Variants in DYNLT2B observed in about 807,000 individuals in gnomAD.
DYNLT2B encodes the protein dynein light chain Tctex-type protein 2B.
Under a neutral mutation model 19.5 loss-of-function variants are expected in DYNLT2B, and 14 were observed. The observed-to-expected ratio is 0.72, with a 90% CI of 0.47 to 1.12. The LOEUF (loss-of-function observed/expected upper bound fraction) is 1.12. Among genes scored for constraint, DYNLT2B ranks in the 50% most tolerant of loss-of-function variants. The pLI is 0.00. For synonymous variants in DYNLT2B, 70 were observed against 59.7 expected, an observed-to-expected ratio of 1.17 and a Z score of -0.79; for missense variants, 133 against 174.7, an observed-to-expected ratio of 0.76 and a Z score of 1.35.
rs753845148 is a variant in DYNLT2B, at chr3:196,296,092, A to T, written c.318-23T>A. The stretch of plus-strand genomic sequence containing the variant: ...ATGCTAAAAAATCCAAGAATGAAGA[A>T]TTATCAACAATCTAACAAGGACCTA... On this transcript the variant is annotated intron_variant, in intron 3 of 4. Transcript: ENST00000325318. The T allele has an allele frequency of 1.9e-5, 30 of 1,606,424 alleles. No homozygotes were observed. In the African/African-American group the frequency reaches 3.3e-4, roughly 18 times the overall value.
At position 196,291,350 on chromosome 3, in the gene DYNLT2B, C is replaced by G; in HGVS notation, c.406G>C (p.Ala136Pro). Residue 136 changes from alanine (A) to proline (P), a missense_variant, in exon 5 of 5, where the codon GCA becomes CCA. Ala to Pro is a conservative substitution (Grantham distance 27). Transcript: ENST00000325318. ...MNDSLFCVVA[A>P]FGCFYY is the part of the protein sequence containing the mutation. ...ATTCAGTAGTAGAAACAGCCAAATG[C>G]TGCTACAACGCAGAATAAACTGTCC... 1 of 1,611,098 alleles carries G rather than the reference C, an allele frequency of 6.2e-7. No homozygotes were observed. The highest frequency in any genetic ancestry group is 1.1e-5 in the South Asian group (1 of 90,318).
At chr3:196,296,202 C>G (rs1726219238) in intron 3 of DYNLT2B, 133 bp from the exon 4 acceptor site, 8 of 739,696 alleles carry the variant, frequency 1.1e-5, no homozygotes, top group Non-Finnish European at 1.9e-5. Flanking sequence ...AGGTAGGTAC[C>G]CACAGAGTAT....
chr3:196,293,646 ATT>A (rs533399548), intron 4 of DYNLT2B, among the ~76,000 whole-genome samples: 8 of 118,868 alleles, frequency 6.7e-5, no homozygotes, highest in Admixed American at 9.2e-5. Flanking sequence ...AACAAGATGC[ATT>A]TTTTTTTTTT....
At chr3:196,306,235 G>T (rs1726480906) in intron 3 of DYNLT2B, among the ~76,000 whole-genome samples, 2 of 136,952 alleles carry the variant, frequency 1.5e-5, no homozygotes, top group South Asian at 2.3e-4. Context: ...AACAGAGTGT[G>T]ACCCATCTCT....
rs148837462 is a variant in DYNLT2B at position 196,312,400 on chromosome 3, A to T, written c.247+3698T>A. ...AAGTTACCACTGAATGTCAGAGGGC[A>T]ATGAAGCACAAGGGTCAAGAAAATA... On this transcript the variant is annotated intron_variant, in intron 2 of 4. Coordinates refer to ENST00000325318, the MANE Select transcript of DYNLT2B (RefSeq NM_152773.5). 4.3e-4 allele frequency among the ~76,000 whole-genome samples: 66 copies of T among 152,298 alleles called. No individual in the cohort carries two copies. The East Asian group carries it at 5.6e-3, about 13-fold the overall frequency.
intron 3 of DYNLT2B, among the ~76,000 whole-genome samples, chr3:196,298,691 G>A (rs1726279142): frequency 1.3e-5 from 2 of 151,906 alleles, no homozygotes; most frequent in South Asian, 4.1e-4. Flanking sequence ...TCAGGGAGCT[G>A]CCAAAGCAAA....
rs1577386213 is a variant in DYNLT2B, at chr3:196,296,269, C to A, written c.318-200G>T. On this transcript the variant is annotated intron_variant, in intron 3 of 4. Transcript: ENST00000325318. ...CCGGAGAAACTAGAGTCAGATGAAG[C>A]TGCTTGCAACTAGAGGTGACCAGCC... 5.8e-6 allele frequency: 3 copies of A among 517,650 alleles called. No homozygotes were observed. The East Asian group carries it at 9.5e-5, about 16-fold the overall frequency. The allele number at this position is 517,650 out of a possible 1,614,324, so 32.1% of individuals were successfully genotyped here.
intron 3 of DYNLT2B, among the ~76,000 whole-genome samples, chr3:196,296,938 C>A (rs1560186343): frequency 1.4e-5 from 2 of 138,912 alleles, no homozygotes. Context: ...AAAAAAAAAA[C>A]AATTCTGCAC....
intron 3 of DYNLT2B, among the ~76,000 whole-genome samples, chr3:196,301,130 C>T (rs966096542): frequency 5.9e-5 from 9 of 151,968 alleles, no homozygotes; most frequent in African/African-American, 2.2e-4. Flanking sequence ...GATGAGTTGG[C>T]ACAAGAAAAG....
intron 3 of DYNLT2B, among the ~76,000 whole-genome samples, chr3:196,302,180 G>A (rs1437543338): frequency 6.6e-6 from 1 of 152,114 alleles, no homozygotes; most frequent in Non-Finnish European, 1.5e-5. Context: ...AGAGACATGT[G>A]GAATACTGAG....
intron 3 of DYNLT2B, among the ~76,000 whole-genome samples, chr3:196,300,973 C>T (rs1164308737): frequency 6.6e-6 from 1 of 151,760 alleles, no homozygotes; most frequent in East Asian, 1.9e-4. Context: ...GCAGGAGGAT[C>T]ACTTGAGCCC....
Position 196,318,081 on chromosome 3 carries a change from C to T in DYNLT2B, c.72G>A (p.Glu24=). The part of the protein sequence containing the change: ...GVPEAEKNAG[E]PENTYILRPV... ...GCCGCAGAATATAGGTGTTCTCGGG[C>T]TCCCCTGCGTTCTTCTCAGCCTCAG... The change falls in exon 1 of 5, where the codon GAG becomes GAA. Residue 24 remains glutamate (E), a synonymous_variant. Transcript: ENST00000325318. 2.6e-6 allele frequency: 4 copies of T among 1,565,522 alleles called. No individual in the cohort carries two copies. The highest frequency in any genetic ancestry group is 3.4e-6 in the Non-Finnish European group (4 of 1,160,388).
At chr3:196,306,355 G>A (rs1384490629) in intron 3 of DYNLT2B, among the ~76,000 whole-genome samples, 2 of 151,338 alleles carry the variant, frequency 1.3e-5, no homozygotes, top group African/African-American at 4.8e-5. Flanking sequence ...TTGAGCCCAG[G>A]AGGCCAAGGC....
At position 196,318,168 on chromosome 3, in the gene DYNLT2B, T is replaced by C; in HGVS notation, c.-16A>G. ...ACGTGGCCATGCCGGGGCTTCTCGG[T>C]CCGGGCGTAGCTCGCGATGAAGGCC... On this transcript the variant is annotated 5_prime_UTR_variant, in exon 1 of 5. Coordinates refer to ENST00000325318, the MANE Select transcript of DYNLT2B (RefSeq NM_152773.5). The C allele has an allele frequency of 6.9e-7, 1 of 1,454,784 alleles. No individual in the cohort carries two copies. Among genetic ancestry groups the C allele is most frequent in the Non-Finnish European group, 9.1e-7 (1 of 1,094,832 alleles). The allele number at this position is 1,454,784 out of a possible 1,614,324, so 90.1% of individuals were successfully genotyped here. A position where few individuals can be genotyped will look rare whatever the true frequency, so the allele number is the denominator to read the frequency against.
At chr3:196,295,001 C>CA (rs1726187320) in intron 4 of DYNLT2B, among the ~76,000 whole-genome samples, 1 of 152,102 alleles carries the variant, frequency 6.6e-6, no homozygotes, top group Admixed American at 6.6e-5. Context: ...CTCGGCCTCC[C>CA]AAAGTGCTGA....
intron 2 of DYNLT2B, among the ~76,000 whole-genome samples, chr3:196,314,779 C>T (rs1228587952): frequency 2.6e-5 from 4 of 152,032 alleles, no homozygotes; most frequent in African/African-American, 4.8e-5. Flanking sequence ...CATGTTCACA[C>T]CACTGCACTC....
At chr3:196,293,950 C>A (rs1187141797) in intron 4 of DYNLT2B, among the ~76,000 whole-genome samples, 2 of 149,794 alleles carry the variant, frequency 1.3e-5, no homozygotes, top group African/African-American at 2.4e-5. Context: ...GCAAAAAAAA[C>A]CATCTTCTTA....
At chr3:196,297,878 G>T (rs540183351) in intron 3 of DYNLT2B, among the ~76,000 whole-genome samples, 2 of 152,002 alleles carry the variant, frequency 1.3e-5, no homozygotes, top group East Asian at 3.9e-4. Context: ...GAAACAAAAG[G>T]TCTCACATAT....
intron 3 of DYNLT2B, among the ~76,000 whole-genome samples, chr3:196,304,037 A>G (rs907851488): frequency 6.6e-6 from 1 of 152,194 alleles, no homozygotes; most frequent in Non-Finnish European, 1.5e-5. Flanking sequence ...CATAATTACT[A>G]TTCTTACAGT....
Sources: gnomAD v4.1 joint callset for allele counts (sites outside exome capture counted in the v4.1 genomes callset) on GRCh38, gnomAD v4.1.1 for gene constraint, MANE v1.5 for transcripts, NCBI Gene and HGNC (gene_info 2026-07-23, HGNC 2026-07-21) for gene names.